The following ACSM3 variants were observed in gnomAD, a reference collection of about 807,000 sequenced individuals.
ACSM3 encodes the protein acyl-CoA synthetase medium chain family member 3.
A neutral mutation model predicts 74.1 loss-of-function variants in ACSM3; 61 were observed. That is an observed-to-expected ratio of 0.82 (90% confidence interval 0.67 to 1.02). The LOEUF is 1.02. Among genes scored for constraint, ACSM3 ranks in the 50% least tolerant of loss-of-function variants. The probability of loss-of-function intolerance (pLI) is 0.00; values close to 1 mark genes in which losing one functional copy is unlikely to be tolerated. For synonymous variants in ACSM3, 213 were observed against 241.5 expected (o/e 0.88, Z 1.09); for missense variants, 660 against 697.0 (o/e 0.95, Z 0.60).
In ACSM3 at chr16:20,790,588, T is replaced by C; in HGVS notation, c.1226T>C (p.Ile409Thr). The change falls in exon 10 of 14, where the codon ATT (isoleucine) becomes ACT (threonine). Residue 409 changes from isoleucine (I) to threonine (T), a missense_variant and splice_region_variant. Physicochemically the swap from Ile to Thr is moderately conservative, Grantham distance 89. Transcript: ENST00000289416. The surrounding 1 kb of genome is among the most constrained non-coding windows in gnomAD (Gnocchi z 4.0). ...GKPSPAFDVK[I>T]VDVNGNVLPP... is the part of the protein sequence containing the mutation. ...ATAAATTGTTCTATTTTATCCTAGA[T>C]TGTAGATGTAAATGGCAATGTTCTA... 6.2e-7 allele frequency: 1 copy of C among 1,613,064 alleles called. No individual in the cohort carries two copies. The highest frequency in any genetic ancestry group is 8.5e-7 in the Non-Finnish European group (1 of 1,179,012).
intron 2 of ACSM3, among the ~76,000 whole-genome samples, chr16:20,775,010 C>T (rs2080238595): frequency 6.6e-6 from 1 of 152,170 alleles, no homozygotes; most frequent in African/African-American, 2.4e-5. Context: ...GCCTTATGTC[C>T]TGGGGCAGCC....
chr16:20,676,827 A>G (rs987001380), intron 1 of ACSM3, among the ~76,000 whole-genome samples: 4 of 152,154 alleles, frequency 2.6e-5, no homozygotes, highest in Admixed American at 2.6e-4. Flanking sequence ...TGCCCCAAAA[A>G]ATAAATAAAT....
At chr16:20,700,416 T>G (rs2152355171) in intron 1 of ACSM3, among the ~76,000 whole-genome samples, 1 of 151,892 alleles carries the variant, frequency 6.6e-6, no homozygotes, top group East Asian at 1.9e-4. Flanking sequence ...GGAGAGAGTG[T>G]GGGGAGGTGG....
rs772629007 is a variant in ACSM3, at chr16:20,792,315, C to T, written c.1534C>T (p.Pro512Ser). ...SVAESAVVSS[P>S]DPIRGEVVKA... ...TGCAGAGTCAGCTGTTGTCAGCAGC[C>T]CAGACCCCATCAGAGGAGAGGTAAA... The change falls in exon 12 of 14, where the codon CCA becomes TCA. Residue 512 changes from proline (P) to serine (S), a missense_variant. Pro to Ser is a moderately conservative substitution (Grantham distance 74). Coordinates refer to ENST00000289416, the MANE Select transcript of ACSM3 (RefSeq NM_005622.4). 4 of 1,613,972 alleles carry T rather than the reference C, an allele frequency of 2.5e-6. No homozygotes were observed. Among genetic ancestry groups the T allele is most frequent in the Admixed American group, 1.7e-5 (1 of 60,010 alleles).
chr16:20,741,409 A>G (rs1018749266), intron 1 of ACSM3: 11 of 1,398,658 alleles, frequency 7.9e-6, no homozygotes, highest in South Asian at 1.5e-5. Flanking sequence ...CACGCCGACG[A>G]CCCGAGGCGC....
chr16:20,763,524 C>T (rs1159296081), upstream of ACSM3, among the ~76,000 whole-genome samples: 1 of 152,148 alleles, frequency 6.6e-6, no homozygotes, highest in Non-Finnish European at 1.5e-5. Flanking sequence ...CCAGATCATA[C>T]AACTCCTTGC....
rs1039676862 is a variant in ACSM3, at chr16:20,691,241, T to C, written c.-190+16419T>C. The C allele has an allele frequency of 6.9e-6, 10 of 1,441,004 alleles. No individual in the cohort carries two copies. The African/African-American group carries it at 1.5e-4, about 21-fold the overall frequency. 89.3% of individuals were successfully genotyped at this position (1,441,004 alleles called of 1,614,324 possible). Reference sequence around the variant, plus strand: ...CAGAGTTCTCAAGTCACCACCTGCCTTGGGAAGAGATGGCTAATAGATTGG... The same window carrying C: ...CAGAGTTCTCAAGTCACCACCTGCCCTGGGAAGAGATGGCTAATAGATTGG... On this transcript the variant is annotated intron_variant, in intron 1 of 3. Coordinates refer to the ACSM3 transcript ENST00000561584.
At chr16:20,745,357 G>C (rs1178614812) in intron 1 of ACSM3, among the ~76,000 whole-genome samples, 2 of 152,076 alleles carry the variant, frequency 1.3e-5, no homozygotes, top group Admixed American at 6.6e-5. Flanking sequence ...AGGCCAAGGA[G>C]GGTAGATCAC....
intron 3 of ACSM3, among the ~76,000 whole-genome samples, chr16:20,757,936 T>G (rs1435082034): frequency 6.6e-6 from 1 of 152,250 alleles, no homozygotes; most frequent in Non-Finnish European, 1.5e-5. Flanking sequence ...CTGGATTATA[T>G]TTATTGATTT....
chr16:20,718,482 C>G, intron 1 of ACSM3: 1 of 401,884 alleles, frequency 2.5e-6, no homozygotes, highest in Middle Eastern at 3.5e-4. Context: ...TTGGGTTCAC[C>G]GTCTGTGGAA....
At chr16:20,746,486 A>C (rs2079958531) in intron 1 of ACSM3, among the ~76,000 whole-genome samples, 1 of 152,262 alleles carries the variant, frequency 6.6e-6, no homozygotes, top group Non-Finnish European at 1.5e-5. Flanking sequence ...TTAAAAGTAT[A>C]TATAGCGTAA....
chr16:20,741,668 C>T lies in ACSM3; in HGVS notation c.-189-8242C>T, dbSNP rs758386989. On this transcript the variant is annotated intron_variant, in intron 1 of 3. Coordinates refer to the ACSM3 transcript ENST00000561584. ...CGTCGCAGCGCCGAGCGCGCTTGGCCAGCACATACTGAGCCTTGCCTTTGC... is the reference window on the plus strand; with the variant it reads ...CGTCGCAGCGCCGAGCGCGCTTGGCTAGCACATACTGAGCCTTGCCTTTGC... 1.8e-5 allele frequency: 29 copies of T among 1,584,348 alleles called. No individual in the cohort carries two copies. The Admixed American group carries it at 4.7e-4, about 26-fold the overall frequency.
rs2080328361 is a variant in ACSM3, at chr16:20,780,484, G to A, written c.639-230G>A. On this transcript the variant is annotated intron_variant, in intron 4 of 13. Transcript: ENST00000289416. ...TCTTTATCATAGAATAAAAAGCTAGGAAAGCAGCTATTATAAATGGGCCTT... is the reference window on the plus strand; with the variant it reads ...TCTTTATCATAGAATAAAAAGCTAGAAAAGCAGCTATTATAAATGGGCCTT... 2.6e-5 allele frequency: 20 copies of A among 779,058 alleles called. No homozygotes were observed. The South Asian group carries it at 3.7e-4, about 14-fold the overall frequency. The allele number at this position is 779,058 out of a possible 1,614,324, so 48.3% of individuals were successfully genotyped here. A position where few individuals can be genotyped will look rare whatever the true frequency, so the allele number is the denominator to read the frequency against.
rs565534053 is a variant in ACSM3 at position 20,782,764 on chromosome 16, TGCTATGATG to T, written c.1019+981_1019+989del. On this transcript the variant is annotated intron_variant, in intron 7 of 13. Transcript: ENST00000289416. ...TGACCCTTCCTTGGGTTTAGTAATT[TGCTATGATG>T]GCTCACAGAGTGCAAGAAAACACTT... is the stretch of plus-strand genomic sequence containing the variant. Among the ~76,000 whole-genome samples, 14 of 152,314 alleles carry T rather than the reference TGCTATGATG, an allele frequency of 9.2e-5. No homozygotes were observed. The East Asian group carries it at 2.7e-3, about 29-fold the overall frequency.
At chr16:20,755,754 T>G (rs2080024577) in intron 3 of ACSM3, 2 of 145,494 alleles carry the variant, frequency 1.4e-5, no homozygotes, top group Admixed American at 6.9e-5. Context: ...CATTTAGCAT[T>G]AGGTATATCT....
At chr16:20,712,925 A>C (rs1453171055) in intron 1 of ACSM3, among the ~76,000 whole-genome samples, 2 of 151,834 alleles carry the variant, frequency 1.3e-5, no homozygotes, top group East Asian at 1.9e-4. Context: ...AAAAAAAAAA[A>C]CAAAAACCAG....
At chr16:20,703,709 A>G (rs2079719630) in intron 1 of ACSM3, 1 of 152,180 alleles carries the variant, frequency 6.6e-6, no homozygotes, top group African/African-American at 2.4e-5. Flanking sequence ...CTTAGTAGAG[A>G]TGAGGTTTCA....
chr16:20,723,603 G>A (rs2079793947), intron 1 of ACSM3, among the ~76,000 whole-genome samples: 1 of 152,158 alleles, frequency 6.6e-6, no homozygotes, highest in South Asian at 2.1e-4. Flanking sequence ...GTATCTCATT[G>A]TGGTTTTGAT....
intron 2 of ACSM3, among the ~76,000 whole-genome samples, chr16:20,750,618 A>T (rs1175301885): frequency 1.3e-5 from 2 of 152,168 alleles, no homozygotes; most frequent in African/African-American, 4.8e-5. Flanking sequence ...TAAGCAAAAA[A>T]TTCTGCATCA....
Sources: gnomAD v4.1 joint callset for allele counts (sites outside exome capture counted in the v4.1 genomes callset) on GRCh38, gnomAD v4.1.1 for gene constraint, Gnocchi (gnomAD v3.1) non-coding constraint, MANE v1.5 for transcripts, NCBI Gene and HGNC (gene_info 2026-07-23, HGNC 2026-07-21) for gene names.